RAP1GAP2: variants seen among roughly 807,000 people sequenced by gnomAD.
RAP1GAP2 encodes RAP1 GTPase activating protein 2.
A neutral mutation model predicts 95.0 loss-of-function variants in RAP1GAP2; 27 were observed. That is an observed-to-expected ratio of 0.28 (90% CI 0.21 to 0.39). The LOEUF (loss-of-function observed/expected upper bound fraction) is 0.39. Among genes scored for constraint, RAP1GAP2 ranks in the 10% least tolerant of loss-of-function variants. The probability of loss-of-function intolerance (pLI) is 1.00; values close to 1 mark genes in which losing one functional copy is unlikely to be tolerated. For missense variants in RAP1GAP2, 771 were observed against 970.0 expected (o/e 0.79, Z 2.72); for synonymous variants, 373 against 380.9 (o/e 0.98, Z 0.24).
At chr17:2,891,823 T>TTTTTTTC (rs1567748973) in intron 2 of RAP1GAP2, among the ~76,000 whole-genome samples, 4 of 114,522 alleles carry the variant, frequency 3.5e-5, no homozygotes, top group African/African-American at 6.8e-5. Context: ...TCTTTTTTTT[T>TTTTTTTC]TTTTTTTTTT....
chr17:2,830,245 G>A (rs2070764565), intron 2 of RAP1GAP2, among the ~76,000 whole-genome samples: 1 of 151,374 alleles, frequency 6.6e-6, no homozygotes, highest in South Asian at 2.1e-4. Context: ...AACCCTGTCT[G>A]TACTAAAAAC....
intron 3 of RAP1GAP2, among the ~76,000 whole-genome samples, chr17:2,939,334 C>T (rs1489661556): frequency 6.6e-6 from 1 of 152,236 alleles, no homozygotes; most frequent in Non-Finnish European, 1.5e-5. Context: ...AGGTGATCCA[C>T]CCGCCTCGGC....
rs11446282 is a variant in RAP1GAP2, at chr17:2,827,811, G to GAAA, written c.80+27271_80+27273dup. On this transcript the variant is annotated intron_variant, in intron 2 of 24. Transcript: ENST00000254695. The surrounding 1 kb of genome is among the most constrained non-coding windows in gnomAD (Gnocchi z 4.1). ...GTTGCTTTTTATCAGCTTCCTATTA[G>GAAA]AAAAAAAAAAAATCCCCTTGAAAAA... is the stretch of plus-strand genomic sequence containing the variant. 0.14 allele frequency among the ~76,000 whole-genome samples: 19,893 copies of GAAA among 146,240 alleles called. 1,511 individuals are homozygous for GAAA. The highest frequency in any genetic ancestry group is 0.2 in the African/African-American group (8,179 of 39,914).
chr17:2,933,738 T>G (rs2043224775), intron 3 of RAP1GAP2, among the ~76,000 whole-genome samples: 1 of 152,176 alleles, frequency 6.6e-6, no homozygotes, highest in Non-Finnish European at 1.5e-5. Flanking sequence ...TTGAATAACC[T>G]GATGAGATTT....
chr17:2,806,585 C>T lies in RAP1GAP2; in HGVS notation c.80+6035C>T, dbSNP rs1239055446. Among the ~76,000 whole-genome samples, 8 of 150,512 alleles carry T rather than the reference C, an allele frequency of 5.3e-5. No homozygotes were observed. In the East Asian group the frequency reaches 1.2e-3, roughly 22 times the overall value. ...TTTTTGTATTTTTTTTTAGTAGAGG[C>T]GGGGTTTCGCTGTGTTGGCCAGGCT... is the stretch of plus-strand genomic sequence containing the variant. On this transcript the variant is annotated intron_variant, in intron 2 of 24. Transcript: ENST00000254695.
At chr17:2,761,675 A>G (rs996101592) in intron 1 of RAP1GAP2, among the ~76,000 whole-genome samples, 2 of 152,144 alleles carry the variant, frequency 1.3e-5, no homozygotes, top group Non-Finnish European at 2.9e-5. Flanking sequence ...ACCCTTGGGG[A>G]TACCAGAATT....
chr17:2,758,181 CT>C (rs1555537909), intron 1 of RAP1GAP2, among the ~76,000 whole-genome samples: 4,257 of 124,022 alleles, frequency 0.034, 148 homozygotes, highest in East Asian at 0.14. Context: ...GCCCCCCCCC[CT>C]TTTTTTTTTT....
At chr17:2,896,010 C>G (rs565445921) in intron 2 of RAP1GAP2, among the ~76,000 whole-genome samples, 1 of 152,128 alleles carries the variant, frequency 6.6e-6, no homozygotes, top group Non-Finnish European at 1.5e-5. Context: ...TCCCCTTCCC[C>G]GCTTCTCCCG....
rs1302564091 is a variant in RAP1GAP2 at position 3,026,959 on chromosome 17, A to G, written c.1996A>G (p.Thr666Ala). The G allele has an allele frequency of 6.4e-7, 1 of 1,552,648 alleles. No individual in the cohort carries two copies. Among genetic ancestry groups the G allele is most frequent in the Non-Finnish European group, 8.7e-7 (1 of 1,147,640 alleles). The change falls in exon 22 of 25, where the codon ACG becomes GCG. Residue 666 changes from threonine (T) to alanine (A), a missense_variant. Thr to Ala is a moderately conservative substitution (Grantham distance 58). Coordinates refer to ENST00000254695, the MANE Select transcript of RAP1GAP2 (RefSeq NM_015085.5). ...EGDSGGSQPS[T>A]TSPFKQEVFV... The stretch of plus-strand genomic sequence containing the variant: ...CTCTCCTCAGGGCAGCCAGCCGTCC[A>G]CGACCTCACCCTTCAAGCAGGAGGT...
intron 8 of RAP1GAP2, among the ~76,000 whole-genome samples, chr17:2,970,308 CG>C (rs1202405793): frequency 1.4e-5 from 2 of 144,196 alleles, no homozygotes; most frequent in Non-Finnish European, 3.0e-5. Flanking sequence ...AATAATAATA[CG>C]TCCCTTGTTA....
chr17:2,905,398 A>C (rs2042167913), intron 3 of RAP1GAP2, 30 bp downstream of exon 3: 1 of 1,605,452 alleles, frequency 6.2e-7, no homozygotes, highest in Non-Finnish European at 8.5e-7. Flanking sequence ...GAAGGCAGGG[A>C]GGGGAGAGTG....
At chr17:2,981,160 T>C (rs775149850) in intron 9 of RAP1GAP2, 35 bp from the exon 10 acceptor site, 16 of 1,598,024 alleles carry the variant, frequency 1.0e-5, no homozygotes, top group Non-Finnish European at 1.4e-5. Context: ...TCTACAGATA[T>C]CATCCCTGAC....
chr17:2,829,048 T>C (rs1171033389), intron 2 of RAP1GAP2, among the ~76,000 whole-genome samples: 1 of 136,288 alleles, frequency 7.3e-6, no homozygotes, highest in Non-Finnish European at 1.5e-5. Context: ...AGTGGCACGA[T>C]CTGGGCTCAC....
chr17:3,020,010 G>A (rs550189369), intron 18 of RAP1GAP2, among the ~76,000 whole-genome samples: 15 of 152,332 alleles, frequency 9.8e-5, no homozygotes, highest in African/African-American at 1.7e-4. Flanking sequence ...GAACGCCTGC[G>A]CGGCTCCATT....
intron 16 of RAP1GAP2, 141 bp downstream of exon 16, chr17:3,006,182 A>T: frequency 1.4e-6 from 1 of 706,016 alleles, no homozygotes; most frequent in Admixed American, 2.9e-5. Context: ...GCTGGAGTGC[A>T]GTGGCATGAT....
In RAP1GAP2 at chr17:2,835,291, C is replaced by T. The variant is rs996367806; in HGVS notation, c.80+34741C>T. On this transcript the variant is annotated intron_variant, in intron 2 of 24. Coordinates refer to ENST00000254695, the MANE Select transcript of RAP1GAP2 (RefSeq NM_015085.5). ...CTGGAGTGCATTGGCACGATCTTGG[C>T]TCACTGCAAACTCCACCTCACGGGT... Among the ~76,000 whole-genome samples, 47 of 152,186 alleles carry T rather than the reference C, an allele frequency of 3.1e-4. 1 individual carries two copies. Among genetic ancestry groups the T allele is most frequent in the Non-Finnish European group, 2.4e-4 (16 of 68,026 alleles).
chr17:2,958,442 G>C (rs1287669219), intron 4 of RAP1GAP2, among the ~76,000 whole-genome samples: 1 of 152,156 alleles, frequency 6.6e-6, no homozygotes, highest in South Asian at 2.1e-4. Context: ...GCAGAGGCCC[G>C]GCAGGGTTCA....
At position 3,029,464 on chromosome 17, in the gene RAP1GAP2, G is replaced by A. The variant is rs529777676; in HGVS notation, c.2108-1458G>A. ...GTGGGCTTGGGGGGATCTGGGAACC[G>A]GTTTCATGCTGTTTGGCTGAGTCTG... On this transcript the variant is annotated intron_variant, in intron 22 of 24. Coordinates refer to ENST00000254695, the MANE Select transcript of RAP1GAP2 (RefSeq NM_015085.5). The surrounding 1 kb of genome is among the most constrained non-coding windows in gnomAD (Gnocchi z 4.4). Among the ~76,000 whole-genome samples the A allele has an allele frequency of 3.9e-5, 6 of 152,252 alleles. No individual in the cohort carries two copies. The highest frequency in any genetic ancestry group is 1.3e-4 in the Admixed American group (2 of 15,282).
intron 3 of RAP1GAP2, among the ~76,000 whole-genome samples, chr17:2,934,578 C>T (rs1475321886): frequency 6.6e-6 from 1 of 152,224 alleles, no homozygotes; most frequent in East Asian, 1.9e-4. Flanking sequence ...ACTGTTCTTT[C>T]TGTTACCCCA....
Sources: allele counts gnomAD v4.1 joint callset (sites outside exome capture counted in the v4.1 genomes callset), GRCh38; gene constraint gnomAD v4.1.1; non-coding constraint Gnocchi (gnomAD v3.1); transcripts MANE v1.5; gene names NCBI Gene and HGNC (gene_info 2026-07-23, HGNC 2026-07-21).